The following PHLPP1 variants were observed in gnomAD, a reference collection of about 807,000 sequenced individuals.
PHLPP1 encodes PH domain and leucine rich repeat protein phosphatase 1.
A neutral mutation model predicts 117.2 loss-of-function variants in PHLPP1; 42 were observed. That is an observed-to-expected ratio of 0.36 (90% CI 0.28 to 0.46). PHLPP1 has a LOEUF of 0.46. Ranked by LOEUF, PHLPP1 falls within the 20% of genes least tolerant of loss-of-function variation. PHLPP1 has a pLI of 1.00. For missense variants in PHLPP1, 2,084 were observed against 2,241.9 expected (o/e 0.93, Z 1.42); for synonymous variants, 1,042 against 970.7 (o/e 1.07, Z -1.37).
At chr18:62,900,388 A>C (rs1382627010) in intron 6 of PHLPP1, among the ~76,000 whole-genome samples, 2 of 150,284 alleles carry the variant, frequency 1.3e-5, no homozygotes, top group Non-Finnish European at 3.0e-5. Flanking sequence ...ACTGTGGTCA[A>C]CAATATGTTG....
At chr18:62,932,849 T>C (rs143885123) in intron 10 of PHLPP1, among the ~76,000 whole-genome samples, 57 of 152,312 alleles carry the variant, frequency 3.7e-4, no homozygotes, top group African/African-American at 1.3e-3. Flanking sequence ...GATACGATTC[T>C]ATACCTAGAA....
chr18:62,922,042 C>T (rs1018540438), intron 10 of PHLPP1, among the ~76,000 whole-genome samples: 5 of 152,216 alleles, frequency 3.3e-5, no homozygotes, highest in Non-Finnish European at 7.3e-5. Context: ...TTGGCCAGTA[C>T]TGTGTCATCC....
intron 9 of PHLPP1, among the ~76,000 whole-genome samples, chr18:62,917,609 A>G (rs572356412): frequency 1.3e-5 from 2 of 152,180 alleles, no homozygotes; most frequent in South Asian, 2.1e-4. Flanking sequence ...TGAGCCCAGG[A>G]GTTCAAGACC....
intron 1 of PHLPP1, among the ~76,000 whole-genome samples, chr18:62,727,227 CAAAA>C (rs1213656513): frequency 1.1e-4 from 8 of 70,692 alleles, no homozygotes; most frequent in Admixed American, 3.3e-4. Context: ...TACTCTGTCT[CAAAA>C]AAAAAAAAAA....
At chr18:62,775,866 C>G (rs907714180) in intron 1 of PHLPP1, among the ~76,000 whole-genome samples, 1 of 152,208 alleles carries the variant, frequency 6.6e-6, no homozygotes, top group East Asian at 1.9e-4. Flanking sequence ...CTACCCTTGA[C>G]CTAGGGAACC....
intron 14 of PHLPP1, among the ~76,000 whole-genome samples, chr18:62,968,066 G>A (rs1000417042): frequency 1.3e-5 from 2 of 152,104 alleles, no homozygotes; most frequent in African/African-American, 4.8e-5. Context: ...CAAGTGATCT[G>A]CCCTCCTCTG....
chr18:62,977,442 A>C lies in PHLPP1; in HGVS notation c.3985-820A>C, dbSNP rs558650621. Among the ~76,000 whole-genome samples the C allele has an allele frequency of 8.6e-4, 130 of 151,798 alleles. 1 individual carries two copies. The highest frequency in any genetic ancestry group is 1.5e-3 in the Non-Finnish European group (99 of 67,870). On this transcript the variant is annotated intron_variant, in intron 16 of 16. Transcript: ENST00000262719. The stretch of plus-strand genomic sequence containing the variant: ...GGTACACGTGGCAAAAAAAAAAAAA[A>C]AAAAAAAAAAACCCAGGTCTTTTTA...
intron 3 of PHLPP1, among the ~76,000 whole-genome samples, chr18:62,841,175 A>C (rs1222400690): frequency 6.6e-6 from 1 of 152,128 alleles, no homozygotes; most frequent in African/African-American, 2.4e-5. Context: ...GGCGTGAGCC[A>C]CTGCGCCTGG....
intron 10 of PHLPP1, among the ~76,000 whole-genome samples, chr18:62,924,641 C>T (rs1169195682): frequency 6.9e-6 from 1 of 144,386 alleles, no homozygotes; most frequent in African/African-American, 2.6e-5. Flanking sequence ...TGAGACCAGC[C>T]TGGGCAACAT....
intron 10 of PHLPP1, among the ~76,000 whole-genome samples, chr18:62,940,830 C>T (rs1910112411): frequency 6.6e-6 from 1 of 152,170 alleles, no homozygotes; most frequent in South Asian, 2.1e-4. Flanking sequence ...ACTTGTGTAA[C>T]CAGCACCTGG....
chr18:62,876,235 A>G lies in PHLPP1; in HGVS notation c.2066+15634A>G, dbSNP rs759176773. ...AAACTGGACTTCTAAAAAAAAATCT[A>G]TGGTTTATTTTACCATTCTCTAAAC... On this transcript the variant is annotated intron_variant, in intron 4 of 16. Coordinates refer to ENST00000262719, the MANE Select transcript of PHLPP1 (RefSeq NM_194449.4). 1.9e-4 allele frequency among the ~76,000 whole-genome samples: 29 copies of G among 152,124 alleles called. 1 individual carries two copies. Among genetic ancestry groups the G allele is most frequent in the Non-Finnish European group, 3.4e-4 (23 of 68,026 alleles).
At chr18:62,741,491 T>G (rs1415134004) in intron 1 of PHLPP1, among the ~76,000 whole-genome samples, 1 of 152,090 alleles carries the variant, frequency 6.6e-6, no homozygotes, top group Non-Finnish European at 1.5e-5. Context: ...CTTAAGCCAA[T>G]TGCACAAGGA....
intron 6 of PHLPP1, among the ~76,000 whole-genome samples, chr18:62,900,787 T>G (rs904894295): frequency 2.0e-5 from 3 of 151,784 alleles, no homozygotes; most frequent in African/African-American, 7.3e-5. Flanking sequence ...GCTAAGAGAG[T>G]GGATGTATTT....
chr18:62,868,765 G>A (rs1890773560), intron 4 of PHLPP1, among the ~76,000 whole-genome samples: 3 of 151,876 alleles, frequency 2.0e-5, no homozygotes, highest in African/African-American at 4.8e-5. Flanking sequence ...AAAAATAATT[G>A]CAAAGAACAC....
At chr18:62,873,514 T>A (rs912362655) in intron 4 of PHLPP1, among the ~76,000 whole-genome samples, 47 of 152,242 alleles carry the variant, frequency 3.1e-4, no homozygotes, top group African/African-American at 1.1e-3. Flanking sequence ...TGGTTATCGC[T>A]TCCATTAATA....
At chr18:62,754,019 C>G (rs1911937411) in intron 1 of PHLPP1, among the ~76,000 whole-genome samples, 1 of 152,160 alleles carries the variant, frequency 6.6e-6, no homozygotes, top group Non-Finnish European at 1.5e-5. Flanking sequence ...TTTTGTTACA[C>G]CCATGTAACT....
intron 12 of PHLPP1, among the ~76,000 whole-genome samples, chr18:62,957,055 C>T (rs1024790014): frequency 2.6e-5 from 4 of 152,162 alleles, no homozygotes; most frequent in Non-Finnish European, 5.9e-5. Context: ...CAATTCCCCT[C>T]TGATCGTTTC....
intron 1 of PHLPP1, among the ~76,000 whole-genome samples, chr18:62,758,058 G>A (rs1912085419): frequency 6.6e-6 from 1 of 152,222 alleles, no homozygotes; most frequent in Non-Finnish European, 1.5e-5. Flanking sequence ...TCGACCCCAT[G>A]AGCGGAGCTT....
chr18:62,889,311 C>T (rs1226463519), intron 4 of PHLPP1, among the ~76,000 whole-genome samples: 2 of 152,142 alleles, frequency 1.3e-5, no homozygotes, highest in East Asian at 1.9e-4. Context: ...AGAATCAGCT[C>T]TTAAAATTTA....
Sources: gnomAD v4.1 joint callset for allele counts (sites outside exome capture counted in the v4.1 genomes callset) on GRCh38, gnomAD v4.1.1 for gene constraint, MANE v1.5 for transcripts, NCBI Gene and HGNC (gene_info 2026-07-23, HGNC 2026-07-21) for gene names.